The following OGN variants were observed in gnomAD, a reference collection of about 807,000 sequenced individuals.
OGN encodes the protein osteoglycin, also known as mimecan.
Under a neutral mutation model 30.8 loss-of-function variants are expected in OGN, and 19 were observed. The ratio of observed to expected loss-of-function variants is 0.62; its 90% CI spans 0.43 to 0.90. The LOEUF is 0.90. OGN is among the 40% of genes least tolerant of loss of function. The pLI is 0.00. For missense variants in OGN, 283 were observed against 349.7 expected, an observed-to-expected ratio of 0.81 and a Z score of 1.52; for synonymous variants, 126 against 128.3, an observed-to-expected ratio of 0.98 and a Z score of 0.12.
chr9:92,391,474 C>T (rs747452604), intron 4 of OGN, among the ~76,000 whole-genome samples: 2 of 151,890 alleles, frequency 1.3e-5, no homozygotes, highest in African/African-American at 2.4e-5. Context: ...TGGCACATGC[C>T]TGTAGTCTCA....
rs949696682 is a variant in OGN at position 92,383,698 on chromosome 9, C to T, written c.*1922G>A. On this transcript the variant is annotated 3_prime_UTR_variant, in exon 7 of 7. Coordinates refer to ENST00000375561, the MANE Select transcript of OGN (RefSeq NM_014057.5). ...GTAAGGTATGCATGTTCATATATAT[C>T]CTCTTATCTAGAAATCCCCAAATTA... 6.6e-6 allele frequency among the ~76,000 whole-genome samples: 1 copy of T among 151,710 alleles called. No homozygotes were observed.
chr9:92,393,296 C>A (rs148059644), intron 3 of OGN, 52 bp from the exon 4 acceptor site: 1 of 1,401,812 alleles, frequency 7.1e-7, no homozygotes, highest in Admixed American at 2.1e-5. Flanking sequence ...GAAAATATTT[C>A]TCCTCTAGTA....
chr9:92,401,051 T>C, intron 3 of OGN, 41 bp downstream of exon 3: 1 of 947,980 alleles, frequency 1.1e-6, no homozygotes. Context: ...TTATAGCTAT[T>C]TTTAAAAGAT....
intron 5 of OGN, among the ~76,000 whole-genome samples, chr9:92,386,690 A>C (rs1225141765): frequency 1.3e-5 from 2 of 152,086 alleles, no homozygotes; most frequent in Non-Finnish European, 2.9e-5. Flanking sequence ...GTACCTCTGG[A>C]GTTTCCCATC....
chr9:92,397,376 G>A (rs1468994838), intron 3 of OGN, among the ~76,000 whole-genome samples: 2 of 152,174 alleles, frequency 1.3e-5, no homozygotes, highest in Non-Finnish European at 2.9e-5. Flanking sequence ...CACCCAGGCT[G>A]GAGTGCAGTG....
intron 1 of OGN, 83 bp downstream of exon 1, chr9:92,404,413 C>A: frequency 1.1e-6 from 1 of 890,136 alleles, no homozygotes; most frequent in Non-Finnish European, 1.5e-6. Flanking sequence ...CAGAGATGGC[C>A]TTTACATTTA....
At position 92,385,905 on chromosome 9, in the gene OGN, CT is replaced by C. The variant is rs1842400639; in HGVS notation, c.727-116del. On this transcript the variant is annotated intron_variant, in intron 6 of 6. Transcript: ENST00000375561. ...TCTGAGTGCCCCCTCACTTCAAATC[CT>C]TGTGTCAAATTAATTAGGAAATACT... The C allele has an allele frequency of 1.5e-5, 14 of 923,152 alleles. No individual in the cohort carries two copies. The East Asian group carries it at 3.0e-4, about 20-fold the overall frequency. The allele number at this position is 923,152 out of a possible 1,614,324, so 57.2% of individuals were successfully genotyped here.
chr9:92,386,626 G>T (rs960025783), intron 5 of OGN, among the ~76,000 whole-genome samples: 1 of 152,254 alleles, frequency 6.6e-6, no homozygotes, highest in Non-Finnish European at 1.5e-5. Context: ...AACTAATGAG[G>T]TGAGTCCCTA....
intron 2 of OGN, 105 bp downstream of exon 2, chr9:92,403,129 G>C: frequency 1.5e-6 from 1 of 683,054 alleles, no homozygotes; most frequent in Middle Eastern, 4.2e-4. Context: ...CATTTAAAGT[G>C]ATTTTCCCTT....
At chr9:92,386,448 A>G in intron 5 of OGN, 152 bp from the exon 6 acceptor site, 1 of 580,308 alleles carries the variant, frequency 1.7e-6, no homozygotes, top group South Asian at 2.1e-5. Context: ...TTCGTATGGT[A>G]GTTTCTTGTT....
At chr9:92,386,121 A>G (rs1842409281) in intron 6 of OGN, 80 bp downstream of exon 6, 1 of 1,084,384 alleles carries the variant, frequency 9.2e-7, no homozygotes, top group Admixed American at 1.8e-5. Flanking sequence ...TTGTATGTGA[A>G]TAAGTGAGGT....
chr9:92,403,799 T>C (rs1843216573), intron 1 of OGN: 1 of 472,440 alleles, frequency 2.1e-6, no homozygotes, highest in South Asian at 9.3e-5. Context: ...AGTCCCAAGA[T>C]CCTGTCTCAT....
At chr9:92,394,526 C>T (rs907942196) in intron 3 of OGN, among the ~76,000 whole-genome samples, 3 of 151,562 alleles carry the variant, frequency 2.0e-5, no homozygotes, top group Non-Finnish European at 1.5e-5. Flanking sequence ...GCCGGGATTA[C>T]AGACGTGAGC....
In OGN at chr9:92,398,244, T is replaced by C. The variant is rs574651877; in HGVS notation, c.268+2848A>G. Among the ~76,000 whole-genome samples, 8 of 152,366 alleles carry C rather than the reference T, an allele frequency of 5.3e-5. No homozygotes were observed. In the East Asian group the frequency reaches 1.5e-3, roughly 29 times the overall value. On this transcript the variant is annotated intron_variant, in intron 3 of 6. Transcript: ENST00000375561. ...TTTTCTTCCTTTGCTGAGTTATTAA[T>C]TTGAAGCACAATCAAGTTTATGTTT...
rs957554570 is a variant in OGN at position 92,386,430 on chromosome 9, A to G, written c.631-134T>C. ...ATATTGATATGAATACATCAATTAT[A>G]TCAATTGTTCGTATGGTAGTTTCTT... On this transcript the variant is annotated intron_variant, in intron 5 of 6. Transcript: ENST00000375561. 1.2e-5 allele frequency: 7 copies of G among 600,404 alleles called. No individual in the cohort carries two copies. The African/African-American group carries it at 1.3e-4, about 11-fold the overall frequency. 37.2% of individuals were successfully genotyped at this position (600,404 alleles called of 1,614,324 possible).
chr9:92,403,606 G>A, intron 1 of OGN, 124 bp from the exon 2 acceptor site: 1 of 1,217,252 alleles, frequency 8.2e-7, no homozygotes, highest in South Asian at 4.2e-5. Flanking sequence ...TTAGATGCTA[G>A]CAGTTTTTAT....
intron 3 of OGN, among the ~76,000 whole-genome samples, chr9:92,400,766 C>T (rs1380437816): frequency 4.6e-5 from 7 of 152,012 alleles, no homozygotes; most frequent in Non-Finnish European, 8.8e-5. Context: ...TTATATTTAC[C>T]GTATACTGAG....
At position 92,393,220 on chromosome 9, in the gene OGN, A is replaced by G; in HGVS notation, c.293T>C (p.Val98Ala). The G allele has an allele frequency of 6.2e-7, 1 of 1,604,364 alleles. No individual in the cohort carries two copies. The highest frequency in any genetic ancestry group is 8.5e-7 in the Non-Finnish European group (1 of 1,175,012). The change falls in exon 4 of 7, where the codon GTT becomes GCT. Residue 98 changes from valine (V) to alanine (A), a missense_variant. Transcript: ENST00000375561. The part of the protein sequence containing the change: ...NDEMPTCLLC[V>A]CLSGSVYCEE... Reference sequence around the variant, plus strand: ...ACAGTATACAGAGCCACTTAAACAAACACACAGCAGACACGTGGGCATTTC... The same window carrying G: ...ACAGTATACAGAGCCACTTAAACAAGCACACAGCAGACACGTGGGCATTTC...
Position 92,395,072 on chromosome 9 carries a change from G to A in OGN, c.269-1828C>T, listed in dbSNP as rs75550253. ...TTAGCTGACTTACAATTAATTGCGT[G>A]TATTTAAATCGTACAACATATACGA... On this transcript the variant is annotated intron_variant, in intron 3 of 6. Transcript: ENST00000375561. Among the ~76,000 whole-genome samples the A allele has an allele frequency of 4.8e-3, 729 of 152,038 alleles. 4 individuals carry two copies. Among genetic ancestry groups the A allele is most frequent in the African/African-American group, 0.015 (634 of 41,442 alleles).
Sources: gnomAD v4.1 joint callset for allele counts (sites outside exome capture counted in the v4.1 genomes callset) on GRCh38, gnomAD v4.1.1 for gene constraint, MANE v1.5 for transcripts, NCBI Gene and HGNC (gene_info 2026-07-23, HGNC 2026-07-21) for gene names.